Variants in DENND1A observed in about 807,000 individuals in gnomAD.
DENND1A encodes the protein DENN domain containing 1A, also known as DENN domain-containing protein 1A.
A neutral mutation model predicts 113.7 loss-of-function variants in DENND1A; 51 were observed. The ratio of observed to expected loss-of-function variants is 0.45; its 90% CI spans 0.36 to 0.57. DENND1A has a LOEUF of 0.57. Among genes scored for constraint, DENND1A ranks in the 20% least tolerant of loss-of-function variants. The pLI, the probability that DENND1A is intolerant of heterozygous loss-of-function variation, is 0.00. For missense variants in DENND1A, 1,258 were observed against 1,395.9 expected (o/e 0.90, Z 1.57); for synonymous variants, 565 against 570.8 (o/e 0.99, Z 0.14).
intron 2 of DENND1A, among the ~76,000 whole-genome samples, chr9:123,841,994 C>T (rs920305576): frequency 2.6e-5 from 4 of 152,096 alleles, no homozygotes; most frequent in African/African-American, 9.7e-5. Context: ...TTTCAGGCAT[C>T]CAAACAGGTT....
intron 12 of DENND1A, among the ~76,000 whole-genome samples, chr9:123,577,383 G>C (rs146284150): frequency 1.8e-4 from 28 of 151,800 alleles, no homozygotes; most frequent in African/African-American, 6.0e-4. Context: ...TTAAATTCAT[G>C]AACATATTTA....
At chr9:123,506,958 G>A (rs1275311935) in intron 13 of DENND1A, among the ~76,000 whole-genome samples, 1 of 152,238 alleles carries the variant, frequency 6.6e-6, no homozygotes, top group Non-Finnish European at 1.5e-5. Flanking sequence ...TGCTGAGGCA[G>A]GCAGATAACT....
chr9:123,901,093 T>G (rs1318034647), intron 1 of DENND1A, among the ~76,000 whole-genome samples: 1 of 152,216 alleles, frequency 6.6e-6, no homozygotes. Context: ...TGGATTTTAA[T>G]CTGGAAGCAT....
At chr9:123,753,543 C>G (rs1479946357) in intron 5 of DENND1A, among the ~76,000 whole-genome samples, 2 of 152,210 alleles carry the variant, frequency 1.3e-5, no homozygotes, top group Admixed American at 6.5e-5. Flanking sequence ...TACACTTCTT[C>G]CAACAACTAT....
chr9:123,665,559 C>T (rs2063453820), intron 8 of DENND1A, among the ~76,000 whole-genome samples: 1 of 152,198 alleles, frequency 6.6e-6, no homozygotes, highest in Non-Finnish European at 1.5e-5. Context: ...TAACTTCATT[C>T]ATTACATTTG....
intron 13 of DENND1A, among the ~76,000 whole-genome samples, chr9:123,468,788 A>G (rs527636787): frequency 1.3e-5 from 2 of 152,338 alleles, no homozygotes; most frequent in South Asian, 4.1e-4. Flanking sequence ...CAATGACTTC[A>G]GGTTAGCCAG....
At chr9:123,474,627 C>T (rs1207327993) in intron 13 of DENND1A, among the ~76,000 whole-genome samples, 1 of 152,148 alleles carries the variant, frequency 6.6e-6, no homozygotes, top group East Asian at 1.9e-4. Context: ...GAGGATCAGG[C>T]TGGTTTTGAA....
chr9:123,884,445 AT>A (rs777480763), intron 1 of DENND1A, among the ~76,000 whole-genome samples: 3 of 151,828 alleles, frequency 2.0e-5, no homozygotes, highest in Non-Finnish European at 4.4e-5. Context: ...CTCTGCCATG[AT>A]ATCCCATTAT....
chr9:123,815,073 GA>G (rs1837227156), intron 2 of DENND1A, among the ~76,000 whole-genome samples: 1 of 152,126 alleles, frequency 6.6e-6, no homozygotes, highest in Non-Finnish European at 1.5e-5. Context: ...AATCTCACTA[GA>G]AAAGAAAGCG....
At chr9:123,387,531 T>C (rs1315611966) in intron 22 of DENND1A, among the ~76,000 whole-genome samples, 199 bp downstream of exon 22, 1 of 152,202 alleles carries the variant, frequency 6.6e-6, no homozygotes, top group Admixed American at 6.5e-5. Context: ...TCTGTGGAGC[T>C]GGCAAAACGG....
rs141390185 is a variant in DENND1A at position 123,768,297 on chromosome 9, G to A, written c.182+1217C>T. Among the ~76,000 whole-genome samples, 74 of 152,292 alleles carry A rather than the reference G, an allele frequency of 4.9e-4. No individual in the cohort carries two copies. In the East Asian group the frequency reaches 0.014, roughly 29 times the overall value. On this transcript the variant is annotated intron_variant, in intron 4 of 23. Coordinates refer to ENST00000394215, the MANE Select transcript of DENND1A (RefSeq NM_001352964.2). ...TAGAAGTGGCTGGCAACATTCCAGAGTTGCTTTTTAGTACCTTTTAAACTC... is the reference window on the plus strand; with the variant it reads ...TAGAAGTGGCTGGCAACATTCCAGAATTGCTTTTTAGTACCTTTTAAACTC...
At chr9:123,834,730 G>A (rs1265501356) in intron 2 of DENND1A, among the ~76,000 whole-genome samples, 6 of 152,246 alleles carry the variant, frequency 3.9e-5, no homozygotes, top group East Asian at 3.9e-4. Context: ...CCAAAGCACC[G>A]CATATAGTAA....
intron 2 of DENND1A, among the ~76,000 whole-genome samples, chr9:123,805,002 C>T (rs961051491): frequency 3.9e-5 from 6 of 152,090 alleles, no homozygotes; most frequent in Admixed American, 2.6e-4. Context: ...ACTTTGTTCC[C>T]GCCTTGCTGG....
chr9:123,820,683 A>G (rs1482263817), intron 2 of DENND1A, among the ~76,000 whole-genome samples: 2 of 152,190 alleles, frequency 1.3e-5, no homozygotes, highest in Non-Finnish European at 2.9e-5. Flanking sequence ...CTGACAACTA[A>G]AAATTAAATT....
At chr9:123,415,334 G>A (rs950609158) in intron 19 of DENND1A, among the ~76,000 whole-genome samples, 1 of 152,198 alleles carries the variant, frequency 6.6e-6, no homozygotes, top group African/African-American at 2.4e-5. Flanking sequence ...GGCTTGTTAT[G>A]ATGCTGGAGC....
rs115974735 is a variant in DENND1A at position 123,601,581 on chromosome 9, C to T, written c.765+7855G>A. On this transcript the variant is annotated intron_variant, in intron 11 of 23. Coordinates refer to ENST00000394215, the MANE Select transcript of DENND1A (RefSeq NM_001352964.2). ...TAAGGAAATTCCAGGACCAAGCCAC[C>T]GTTCAATTACCTTTTTCTTTACAAA... is the stretch of plus-strand genomic sequence containing the variant. Among the ~76,000 whole-genome samples, 670 of 152,260 alleles carry T rather than the reference C, an allele frequency of 4.4e-3. 5 individuals carry two copies. Among genetic ancestry groups the T allele is most frequent in the African/African-American group, 0.015 (643 of 41,548 alleles).
chr9:123,758,198 A>C (rs1352766539), intron 4 of DENND1A, among the ~76,000 whole-genome samples: 1 of 152,192 alleles, frequency 6.6e-6, no homozygotes, highest in African/African-American at 2.4e-5. Context: ...TCAGTGGCAA[A>C]AAGCTGGATT....
At chr9:123,658,357 T>C (rs913511263) in intron 8 of DENND1A, among the ~76,000 whole-genome samples, 4 of 152,222 alleles carry the variant, frequency 2.6e-5, no homozygotes, top group Non-Finnish European at 5.9e-5. Flanking sequence ...TAACTGTTCA[T>C]GATCTGTGAC....
In DENND1A at chr9:123,546,547, A is replaced by C. The variant is rs910980312; in HGVS notation, c.993+11023T>G. On this transcript the variant is annotated intron_variant, in intron 13 of 23. Coordinates refer to ENST00000394215, the MANE Select transcript of DENND1A (RefSeq NM_001352964.2). ...AGCCTGGGTGACAGAGCGAGACTCC[A>C]TCTCAAAAAAAAAAAACAACAACTA... Among the ~76,000 whole-genome samples, 7 of 145,904 alleles carry C rather than the reference A, an allele frequency of 4.8e-5. No homozygotes were observed. In the South Asian group the frequency reaches 1.5e-3, roughly 32 times the overall value.
Sources: allele counts gnomAD v4.1 joint callset (sites outside exome capture counted in the v4.1 genomes callset), GRCh38; gene constraint gnomAD v4.1.1; transcripts MANE v1.5; gene names NCBI Gene and HGNC (gene_info 2026-07-23, HGNC 2026-07-21).